Variants in PCSK5 observed in about 807,000 individuals in gnomAD.
PCSK5 encodes prohormone convertase 5.
A neutral mutation model predicts 233.2 loss-of-function variants in PCSK5; 129 were observed. That is an observed-to-expected ratio of 0.55 (90% confidence interval 0.48 to 0.64). The LOEUF (loss-of-function observed/expected upper bound fraction) is 0.64, where lower values mean the gene tolerates loss of function less well. PCSK5 is among the 30% of genes least tolerant of loss of function. The pLI is 0.00. For missense variants in PCSK5, 2,076 were observed against 2,430.1 expected (o/e 0.85, Z 3.06); for synonymous variants, 825 against 879.2 (o/e 0.94, Z 1.09).
intron 7 of PCSK5, among the ~76,000 whole-genome samples, chr9:76,087,891 T>C (rs1275802654): frequency 6.6e-6 from 1 of 152,110 alleles, no homozygotes; most frequent in Non-Finnish European, 1.5e-5. Flanking sequence ...GCATAAGAAA[T>C]GGCAAGAAGA....
chr9:75,962,736 C>A (rs1228384361), intron 2 of PCSK5, among the ~76,000 whole-genome samples: 3 of 152,132 alleles, frequency 2.0e-5, no homozygotes, highest in Non-Finnish European at 4.4e-5. Context: ...TACACTGTGG[C>A]CACATCAGTG....
At chr9:76,192,066 T>G (rs1390040572) in intron 20 of PCSK5, among the ~76,000 whole-genome samples, 1 of 9,974 alleles carries the variant, frequency 1.0e-4, no homozygotes, top group African/African-American at 7.2e-4. Flanking sequence ...CAAGACTGTC[T>G]CAAAAAAAAA....
At chr9:76,296,252 A>G (rs1335902224) in intron 26 of PCSK5, among the ~76,000 whole-genome samples, 1 of 152,186 alleles carries the variant, frequency 6.6e-6, no homozygotes, top group African/African-American at 2.4e-5. Flanking sequence ...AGCATGAGCC[A>G]CCTCGCCCGA....
At chr9:75,966,747 A>C in intron 2 of PCSK5, among the ~76,000 whole-genome samples, 1 of 152,210 alleles carries the variant, frequency 6.6e-6, no homozygotes, top group East Asian at 1.9e-4. Context: ...TTTGGCTCAC[A>C]ACAAAATGAG....
intron 2 of PCSK5, among the ~76,000 whole-genome samples, chr9:75,934,691 C>T (rs901444882): frequency 1.3e-5 from 2 of 152,008 alleles, no homozygotes; most frequent in East Asian, 1.9e-4. Context: ...AAGCGATTCT[C>T]CTGCCTCAGC....
chr9:76,210,320 G>A (rs1216673819), intron 20 of PCSK5, among the ~76,000 whole-genome samples: 1 of 152,196 alleles, frequency 6.6e-6, no homozygotes, highest in African/African-American at 2.4e-5. Context: ...CCACTGATGA[G>A]GCAATGTAGC....
intron 5 of PCSK5, among the ~76,000 whole-genome samples, chr9:76,034,427 C>G (rs946853572): frequency 6.6e-6 from 1 of 152,180 alleles, no homozygotes; most frequent in Non-Finnish European, 1.5e-5. Flanking sequence ...ACTATCTTGA[C>G]ATATGTTAAA....
chr9:76,359,418 A>C lies in PCSK5; in HGVS notation c.*496A>C, dbSNP rs754533668. ...TTCCCTTTAGCTGTCTTTAGGCAGAAATTTGTTTTGTAAGGGCCAAGAAAA... is the reference window on the plus strand; with the variant it reads ...TTCCCTTTAGCTGTCTTTAGGCAGACATTTGTTTTGTAAGGGCCAAGAAAA... On this transcript the variant is annotated 3_prime_UTR_variant, in exon 38 of 38. Transcript: ENST00000674117. The C allele has an allele frequency of 6.2e-6, 1 of 161,138 alleles. No homozygotes were observed. Among genetic ancestry groups the C allele is most frequent in the African/African-American group, 2.4e-5 (1 of 41,508 alleles). The allele number at this position is 161,138 out of a possible 1,614,324, so 10.0% of individuals were successfully genotyped here.
intron 5 of PCSK5, among the ~76,000 whole-genome samples, chr9:76,044,762 A>G (rs1829307463): frequency 2.0e-5 from 3 of 152,134 alleles, no homozygotes; most frequent in African/African-American, 7.2e-5. Context: ...AATTATTGGG[A>G]TGTTTGTATT....
At chr9:75,991,691 C>T (rs1158662863) in intron 3 of PCSK5, among the ~76,000 whole-genome samples, 1 of 152,102 alleles carries the variant, frequency 6.6e-6, no homozygotes, top group Non-Finnish European at 1.5e-5. Flanking sequence ...TCTTTGGAAA[C>T]TCAGTGTAAT....
chr9:76,283,664 T>C (rs1249907465), intron 24 of PCSK5, among the ~76,000 whole-genome samples: 1 of 152,224 alleles, frequency 6.6e-6, no homozygotes, highest in Non-Finnish European at 1.5e-5. Flanking sequence ...AGTATACTAT[T>C]TTAAATATAT....
intron 3 of PCSK5, among the ~76,000 whole-genome samples, chr9:75,991,202 G>A (rs142052915): frequency 2.8e-4 from 43 of 152,280 alleles, no homozygotes; most frequent in African/African-American, 9.6e-4. Flanking sequence ...TACTTGTAAC[G>A]TAATTCTACA....
chr9:76,351,472 G>A (rs1360208491), intron 36 of PCSK5, among the ~76,000 whole-genome samples: 1 of 61,064 alleles, frequency 1.6e-5, no homozygotes, highest in African/African-American at 5.7e-5. Context: ...AAGAAAGAAA[G>A]AAAGAAAGAA....
At chr9:76,044,805 A>G (rs1397332645) in intron 5 of PCSK5, among the ~76,000 whole-genome samples, 1 of 152,108 alleles carries the variant, frequency 6.6e-6, no homozygotes, top group Non-Finnish European at 1.5e-5. Flanking sequence ...TAATACTTGA[A>G]TTTTTATTTA....
In PCSK5 at chr9:76,068,032, C is replaced by T. The variant is rs933227891; in HGVS notation, c.710C>T (p.Ala237Val). Reference protein sequence around the residue: ...SHCTVGIAFNAKIGGVRMLDG... With the variant: ...SHCTVGIAFNVKIGGVRMLDG... Reference sequence around the variant, plus strand: ...TGCACAGTCGGAATTGCTTTCAACGCCAAGATCGGAGGTATGGGAAACCAA... The same window carrying T: ...TGCACAGTCGGAATTGCTTTCAACGTCAAGATCGGAGGTATGGGAAACCAA... The change falls in exon 6 of 38, where the codon GCC becomes GTC. Residue 237 changes from alanine (A) to valine (V), a missense_variant. This residue lies in a region of PCSK5 where 178 missense variants were observed against 393.6 expected (regional missense o/e 0.45). Coordinates refer to ENST00000674117, the MANE Select transcript of PCSK5 (RefSeq NM_001372043.1). 6.2e-7 allele frequency: 1 copy of T among 1,613,194 alleles called. No individual in the cohort carries two copies. Among genetic ancestry groups the T allele is most frequent in the African/African-American group, 1.3e-5 (1 of 74,920 alleles).
chr9:76,131,071 T>C (rs918793124), intron 9 of PCSK5, among the ~76,000 whole-genome samples: 3 of 152,112 alleles, frequency 2.0e-5, no homozygotes, highest in Non-Finnish European at 4.4e-5. Context: ...TAAATTATGG[T>C]TGTGGACTGT....
At chr9:75,929,212 C>T (rs977671859) in intron 1 of PCSK5, among the ~76,000 whole-genome samples, 3 of 152,146 alleles carry the variant, frequency 2.0e-5, no homozygotes, top group Non-Finnish European at 2.9e-5. Flanking sequence ...GGATTACAGG[C>T]GTGAGCCGCC....
At chr9:76,315,159 G>A (rs1471264427) in intron 30 of PCSK5, among the ~76,000 whole-genome samples, 3 of 151,838 alleles carry the variant, frequency 2.0e-5, no homozygotes, top group African/African-American at 7.3e-5. Flanking sequence ...TCACCACGTT[G>A]GCCAGGCTGG....
intron 10 of PCSK5, among the ~76,000 whole-genome samples, chr9:76,143,728 C>CTTTCT (rs1823322025): frequency 7.0e-6 from 1 of 141,998 alleles, no homozygotes; most frequent in South Asian, 2.3e-4. Flanking sequence ...CTACATCCCA[C>CTTTCT]TTTTTTTTTT....
Sources: allele counts gnomAD v4.1 joint callset (sites outside exome capture counted in the v4.1 genomes callset), GRCh38; gene constraint gnomAD v4.1.1; regional missense constraint gnomAD v4.1.1; transcripts MANE v1.5; gene names NCBI Gene and HGNC (gene_info 2026-07-23, HGNC 2026-07-21).